Variants in SESTD1 observed in about 807,000 individuals in gnomAD.
SESTD1 encodes SEC14 domain and spectrin repeat-containing protein 1.
SESTD1 carries 43 observed loss-of-function variants against 101.7 expected under a neutral mutation model. The ratio of observed to expected loss-of-function variants is 0.42; its 90% CI spans 0.33 to 0.55. The LOEUF (loss-of-function observed/expected upper bound fraction) is 0.55. Ranked by LOEUF, SESTD1 falls within the 20% of genes least tolerant of loss-of-function variation. The pLI, the probability that SESTD1 is intolerant of heterozygous loss-of-function variation, is 0.07. For synonymous variants in SESTD1, 283 were observed against 286.8 expected (o/e 0.99, Z 0.13); for missense variants, 647 against 815.1 (o/e 0.79, Z 2.51).
intron 2 of SESTD1, among the ~76,000 whole-genome samples, chr2:179,185,210 T>C (rs181055715): frequency 1.6e-3 from 249 of 151,770 alleles, no homozygotes; most frequent in South Asian, 0.016. Context: ...TGCATACTGC[T>C]GAACTTGTAC....
At chr2:179,217,114 A>C (rs1167772867) in intron 1 of SESTD1, among the ~76,000 whole-genome samples, 1 of 152,186 alleles carries the variant, frequency 6.6e-6, no homozygotes, top group African/African-American at 2.4e-5. Flanking sequence ...AATGGCAACA[A>C]AAGCCAAAAT....
In SESTD1 at chr2:179,258,459, C is replaced by A. The variant is rs927977525; in HGVS notation, c.-26+6040G>T. ...TAAGCAAAAGCTCTGGCAATACCCA[C>A]TAAAGGAAAGACAATATTACTATCT... On this transcript the variant is annotated intron_variant, in intron 1 of 17. Coordinates refer to ENST00000428443, the MANE Select transcript of SESTD1 (RefSeq NM_178123.5). Among the ~76,000 whole-genome samples the A allele has an allele frequency of 3.9e-5, 6 of 152,132 alleles. No individual in the cohort carries two copies. The East Asian group carries it at 1.2e-3, about 29-fold the overall frequency.
intron 1 of SESTD1, among the ~76,000 whole-genome samples, chr2:179,194,676 TATC>T (rs1196973322): frequency 1.3e-5 from 2 of 152,212 alleles, no homozygotes; most frequent in African/African-American, 2.4e-5. Flanking sequence ...CAGAAGGAAA[TATC>T]ATAATCACAT....
At position 179,127,917 on chromosome 2, in the gene SESTD1, T is replaced by A. The variant is rs552097301; in HGVS notation, c.973-3359A>T. Among the ~76,000 whole-genome samples the A allele has an allele frequency of 1.5e-4, 23 of 152,360 alleles. 1 individual carries two copies. The South Asian group carries it at 4.8e-3, about 32-fold the overall frequency. ...ATATAAAAGGATTTCAATACCTTAT[T>A]CATAGTACTTACATATCATTAAATG... On this transcript the variant is annotated intron_variant, in intron 10 of 17. Transcript: ENST00000428443.
intron 1 of SESTD1, among the ~76,000 whole-genome samples, chr2:179,194,593 C>T (rs962052020): frequency 6.6e-6 from 1 of 152,142 alleles, no homozygotes; most frequent in African/African-American, 2.4e-5. Flanking sequence ...ACCCCAAACC[C>T]CCAGGAGTCC....
intron 1 of SESTD1, among the ~76,000 whole-genome samples, chr2:179,232,563 T>C (rs1202771526): frequency 6.6e-6 from 1 of 152,148 alleles, no homozygotes; most frequent in East Asian, 1.9e-4. Flanking sequence ...ACAAAGATTA[T>C]TTATTGCAGT....
intron 1 of SESTD1, among the ~76,000 whole-genome samples, chr2:179,243,289 A>G (rs2047181376): frequency 6.6e-6 from 1 of 152,242 alleles, no homozygotes; most frequent in Non-Finnish European, 1.5e-5. Flanking sequence ...AGAAAGGGAA[A>G]CATTTATATA....
At chr2:179,239,269 T>A (rs2047114325) in intron 1 of SESTD1, among the ~76,000 whole-genome samples, 1 of 152,188 alleles carries the variant, frequency 6.6e-6, no homozygotes, top group African/African-American at 2.4e-5. Context: ...TAATCCTGAA[T>A]TCTGTTATTT....
intron 1 of SESTD1, among the ~76,000 whole-genome samples, chr2:179,224,581 G>A (rs969763577): frequency 2.6e-5 from 4 of 152,114 alleles, no homozygotes; most frequent in Admixed American, 6.5e-5. Context: ...CCGGTTGCCA[G>A]GGAAATCAAC....
intron 17 of SESTD1, among the ~76,000 whole-genome samples, chr2:179,111,719 C>CTTTTT (rs572503441): frequency 7.4e-6 from 1 of 135,358 alleles, no homozygotes; most frequent in African/African-American, 2.7e-5. Context: ...CCTCCTGATT[C>CTTTTT]TTTTTTTTTT....
chr2:179,112,269 G>T (rs1159916960), intron 17 of SESTD1, among the ~76,000 whole-genome samples: 3 of 152,132 alleles, frequency 2.0e-5, no homozygotes, highest in African/African-American at 7.2e-5. Context: ...ATCTCTGTGG[G>T]CCTCAGTTTC....
chr2:179,149,206 G>C, intron 7 of SESTD1, 91 bp downstream of exon 7: 1 of 845,294 alleles, frequency 1.2e-6, no homozygotes, highest in Non-Finnish European at 1.8e-6. Context: ...GTTTACTGTA[G>C]TTCTTTTAGC....
At chr2:179,230,857 C>T (rs912452664) in intron 1 of SESTD1, among the ~76,000 whole-genome samples, 2 of 151,826 alleles carry the variant, frequency 1.3e-5, no homozygotes, top group Admixed American at 1.3e-4. Flanking sequence ...GAAAATTGAC[C>T]TGTTAAAATC....
chr2:179,198,519 A>G (rs2046443011), intron 1 of SESTD1, among the ~76,000 whole-genome samples: 1 of 152,208 alleles, frequency 6.6e-6, no homozygotes, highest in South Asian at 2.1e-4. Flanking sequence ...TCAGCACCAC[A>G]CCACACCTAT....
In SESTD1 at chr2:179,197,475, T is replaced by C. The variant is rs552554269; in HGVS notation, c.-25-5609A>G. ...TACAGAGAACACCACAAAGATACTC[T>C]TCGAGAAGAGCAACCCCAAGACACG... On this transcript the variant is annotated intron_variant, in intron 1 of 17. Transcript: ENST00000428443. Among the ~76,000 whole-genome samples the C allele has an allele frequency of 9.7e-4, 148 of 152,010 alleles. 2 individuals carry two copies. In the South Asian group the frequency reaches 0.029, roughly 30 times the overall value.
chr2:179,140,372 T>C (rs867202432), intron 9 of SESTD1, among the ~76,000 whole-genome samples: 18 of 152,058 alleles, frequency 1.2e-4, no homozygotes, highest in African/African-American at 3.6e-4. Context: ...GGTATCCTTA[T>C]AAGGAGAGGA....
chr2:179,191,305 C>T (rs771166335), intron 2 of SESTD1, among the ~76,000 whole-genome samples: 4 of 152,140 alleles, frequency 2.6e-5, no homozygotes, highest in Non-Finnish European at 4.4e-5. Flanking sequence ...AGGCCATCAT[C>T]CTAGGTGAAT....
chr2:179,198,786 T>C (rs1400427383), intron 1 of SESTD1, among the ~76,000 whole-genome samples: 1 of 151,968 alleles, frequency 6.6e-6, no homozygotes, highest in Non-Finnish European at 1.5e-5. Flanking sequence ...TACCAGAATT[T>C]CTGGGACGCA....
At chr2:179,137,552 A>G (rs1415444427) in intron 9 of SESTD1, among the ~76,000 whole-genome samples, 1 of 152,200 alleles carries the variant, frequency 6.6e-6, no homozygotes, top group Non-Finnish European at 1.5e-5. Flanking sequence ...ACAATAAATA[A>G]TGAGCATAAT....
Sources: gnomAD v4.1 joint callset for allele counts (sites outside exome capture counted in the v4.1 genomes callset) on GRCh38, gnomAD v4.1.1 for gene constraint, MANE v1.5 for transcripts, NCBI Gene and HGNC (gene_info 2026-07-23, HGNC 2026-07-21) for gene names.